The following MRTFB variants were observed in gnomAD, a reference collection of about 807,000 sequenced individuals.
MRTFB encodes the protein myocardin related transcription factor B.
In MRTFB, 29 loss-of-function variants were observed where a neutral mutation model predicts 104.2. The observed-to-expected ratio is 0.28, with a 90% CI of 0.21 to 0.38. The LOEUF (loss-of-function observed/expected upper bound fraction) is 0.38. Ranked by LOEUF, MRTFB falls within the 10% of genes least tolerant of loss-of-function variation. The probability of loss-of-function intolerance (pLI) is 1.00; values close to 1 mark genes in which losing one functional copy is unlikely to be tolerated. For synonymous variants in MRTFB, 535 were observed against 519.5 expected, an observed-to-expected ratio of 1.03 and a Z score of -0.41; for missense variants, 1,270 against 1,341.6, an observed-to-expected ratio of 0.95 and a Z score of 0.83.
Position 14,247,262 on chromosome 16 carries a change from G to A in MRTFB, c.2002G>A (p.Gly668Ser). The A allele has an allele frequency of 6.2e-7, 1 of 1,614,214 alleles. No homozygotes were observed. The highest frequency in any genetic ancestry group is 8.5e-7 in the Non-Finnish European group (1 of 1,180,038). ...SHAVGQPVST[G>S]GQTLVAKKAV... ...CGCTGTAGGCCAGCCCGTCTCTACAGGTGGCCAGACCCTTGTTGCCAAAAA... is the reference window on the plus strand; with the variant it reads ...CGCTGTAGGCCAGCCCGTCTCTACAAGTGGCCAGACCCTTGTTGCCAAAAA... Residue 668 changes from glycine (G) to serine (S), a missense_variant, in exon 12 of 17, where the codon GGT becomes AGT. Around this residue, in one of 3 missense-constraint regions of MRTFB, gnomAD observed 1,144 missense variants for 1,131.5 expected, o/e 1.01. Transcript: ENST00000571589.
At chr16:14,156,321 T>C (rs1218284864) in intron 3 of MRTFB, among the ~76,000 whole-genome samples, 5 of 152,358 alleles carry the variant, frequency 3.3e-5, no homozygotes, top group Admixed American at 1.3e-4. Flanking sequence ...TCAGTACATA[T>C]GGATGAACTT....
At chr16:14,230,478 G>C (rs970860735) in intron 8 of MRTFB, among the ~76,000 whole-genome samples, 2 of 152,058 alleles carry the variant, frequency 1.3e-5, no homozygotes, top group Admixed American at 6.6e-5. Flanking sequence ...CAAAGGACAT[G>C]AACAGACACT....
rs2043962007 is a variant in MRTFB, at chr16:14,266,750, T to C, written c.*5306T>C. ...CTCAGCAATTTTGCATTTTTGTGTC[T>C]CAAATAAAAGACATTTTGATGTACT... On this transcript the variant is annotated 3_prime_UTR_variant, in exon 17 of 17. Coordinates refer to ENST00000571589, the MANE Select transcript of MRTFB (RefSeq NM_001308142.2). 6.6e-6 allele frequency: 1 copy of C among 152,202 alleles called. No homozygotes were observed. The highest frequency in any genetic ancestry group is 2.1e-4 in the South Asian group (1 of 4,830). 9.4% of individuals were successfully genotyped at this position (152,202 alleles called of 1,614,324 possible). A position where few individuals can be genotyped will look rare whatever the true frequency, so the allele number is the denominator to read the frequency against.
intron 2 of MRTFB, among the ~76,000 whole-genome samples, chr16:14,094,289 A>T (rs1488249638): frequency 6.6e-6 from 1 of 152,206 alleles, no homozygotes; most frequent in Non-Finnish European, 1.5e-5. Flanking sequence ...ATAATAGGGC[A>T]TTAAATAATC....
chr16:14,164,430 T>G (rs188384039), intron 3 of MRTFB, among the ~76,000 whole-genome samples: 16 of 152,164 alleles, frequency 1.1e-4, no homozygotes. Context: ...AATAGTATTC[T>G]GTTGTGTGTT....
At chr16:14,180,885 CTGTT>C (rs755893957) in intron 3 of MRTFB, among the ~76,000 whole-genome samples, 11 of 152,300 alleles carry the variant, frequency 7.2e-5, no homozygotes, top group Non-Finnish European at 1.2e-4. Context: ...AGTGATCAGA[CTGTT>C]TGGCCCTGTT....
chr16:14,220,490 T>C (rs2151222997), intron 8 of MRTFB, among the ~76,000 whole-genome samples: 1 of 152,364 alleles, frequency 6.6e-6, no homozygotes, highest in East Asian at 1.9e-4. Flanking sequence ...CTGGTACTAC[T>C]GTGTTTTATT....
At chr16:14,260,470 A>G (rs7359398) in intron 16 of MRTFB, among the ~76,000 whole-genome samples, 1 of 151,980 alleles carries the variant, frequency 6.6e-6, no homozygotes, top group African/African-American at 2.4e-5. Context: ...TAGGAGTATC[A>G]TGTTGCTATA....
At chr16:14,136,596 C>G (rs1029406416) in intron 2 of MRTFB, among the ~76,000 whole-genome samples, 18 of 152,136 alleles carry the variant, frequency 1.2e-4, no homozygotes, top group Non-Finnish European at 2.9e-5. Flanking sequence ...TTGAGAAGCA[C>G]TTGTGAACAC....
the MRTFB span, among the ~76,000 whole-genome samples, chr16:14,031,156 C>T: frequency 2.2e-4 from 34 of 152,242 alleles, no homozygotes; most frequent in Admixed American, 5.9e-4. Flanking sequence ...CTTTGGATGG[C>T]CAAGGAGGGA....
intron 2 of MRTFB, among the ~76,000 whole-genome samples, chr16:14,091,712 A>G (rs1201036195): frequency 2.6e-5 from 4 of 152,060 alleles, no homozygotes; most frequent in African/African-American, 4.8e-5. Flanking sequence ...ATGCCTCCCA[A>G]AGCCGGGCGT....
intron 2 of MRTFB, among the ~76,000 whole-genome samples, chr16:14,117,472 A>G (rs1189738100): frequency 6.6e-6 from 1 of 152,170 alleles, no homozygotes; most frequent in Non-Finnish European, 1.5e-5. Flanking sequence ...TTTTAATTAT[A>G]TAGTTTTTTC....
At chr16:14,111,318 G>T (rs1306164370) in intron 2 of MRTFB, among the ~76,000 whole-genome samples, 1 of 152,252 alleles carries the variant, frequency 6.6e-6, no homozygotes, top group African/African-American at 2.4e-5. Flanking sequence ...CAGAGAGAAG[G>T]AAGTTTTAAG....
At chr16:14,258,394 A>G (rs2043607281) in intron 16 of MRTFB, among the ~76,000 whole-genome samples, 1 of 152,176 alleles carries the variant, frequency 6.6e-6, no homozygotes, top group African/African-American at 2.4e-5. Flanking sequence ...CAGGAGTTCG[A>G]GACCAGCTTG....
chr16:14,028,013 C>T, the MRTFB span, among the ~76,000 whole-genome samples: 1 of 152,160 alleles, frequency 6.6e-6, no homozygotes, highest in South Asian at 2.1e-4. Context: ...CTTGTCTTTA[C>T]TAAAAATACA....
chr16:14,174,731 A>T (rs991868607), intron 3 of MRTFB, among the ~76,000 whole-genome samples: 6 of 151,996 alleles, frequency 3.9e-5, no homozygotes, highest in African/African-American at 1.4e-4. Flanking sequence ...AATTTTTTTT[A>T]ATTTGAATTT....
At chr16:14,080,817 T>C (rs889531046) in intron 2 of MRTFB, among the ~76,000 whole-genome samples, 1 of 152,194 alleles carries the variant, frequency 6.6e-6, no homozygotes, top group Non-Finnish European at 1.5e-5. Flanking sequence ...GGTTCATCCA[T>C]GTTGTCACAA....
At chr16:14,060,296 T>C in the MRTFB span, among the ~76,000 whole-genome samples, 2 of 152,250 alleles carry the variant, frequency 1.3e-5, no homozygotes, top group South Asian at 4.1e-4. Flanking sequence ...TGTGAGCCAC[T>C]ATGCCCGACT....
chr16:14,207,085 CATGCAGTACCCA>C (rs1247214649), intron 3 of MRTFB, among the ~76,000 whole-genome samples: 10 of 152,160 alleles, frequency 6.6e-5, no homozygotes, highest in Non-Finnish European at 8.8e-5. Context: ...ATTTGTACCC[CATGCAGTACCCA>C]GACACCTAAC....
Sources: allele counts gnomAD v4.1 joint callset (sites outside exome capture counted in the v4.1 genomes callset), GRCh38; gene constraint gnomAD v4.1.1; regional missense constraint gnomAD v4.1.1; transcripts MANE v1.5; gene names NCBI Gene and HGNC (gene_info 2026-07-23, HGNC 2026-07-21).